The following DOCK7 variants were observed in gnomAD, a reference collection of about 807,000 sequenced individuals.
The protein encoded by DOCK7 is dedicator of cytokinesis 7.
In DOCK7, 138 loss-of-function variants were observed where a neutral mutation model predicts 271.0. The observed-to-expected ratio is 0.51, with a 90% CI of 0.44 to 0.59. The LOEUF (loss-of-function observed/expected upper bound fraction) is 0.59. DOCK7 is among the 20% of genes least tolerant of loss of function. The pLI is 0.00. For synonymous variants in DOCK7, 823 were observed against 876.1 expected (o/e 0.94, Z 1.07); for missense variants, 2,066 against 2,592.4 (o/e 0.80, Z 4.41).
intron 29 of DOCK7, among the ~76,000 whole-genome samples, chr1:62,533,439 ATT>A (rs141381355): frequency 9.3e-5 from 14 of 151,190 alleles, no homozygotes; most frequent in Non-Finnish European, 1.3e-4. Context: ...TCCTTTATTT[ATT>A]TTTTTTAATG....
chr1:62,573,747 T>C (rs1646858140), intron 18 of DOCK7, among the ~76,000 whole-genome samples: 1 of 152,066 alleles, frequency 6.6e-6, no homozygotes, highest in Admixed American at 6.6e-5. Context: ...AAACTTTATG[T>C]TCTATACATT....
intron 8 of DOCK7, 85 bp downstream of exon 8, chr1:62,636,452 C>CA (rs1422465294): frequency 8.2e-5 from 86 of 1,051,168 alleles, no homozygotes; most frequent in South Asian, 1.6e-4. Context: ...TAACAGTTCT[C>CA]AAAAAAAATC....
Position 62,641,611 on chromosome 1 carries a change from G to A in DOCK7, c.819-5008C>T, listed in dbSNP as rs760970206. 8.0e-4 allele frequency: 376 copies of A among 468,494 alleles called. 1 individual carries two copies. Among genetic ancestry groups the A allele is most frequent in the Non-Finnish European group, 1.3e-3 (293 of 229,418 alleles). 29.0% of individuals were successfully genotyped at this position (468,494 alleles called of 1,614,324 possible). A position where few individuals can be genotyped will look rare whatever the true frequency, so the allele number is the denominator to read the frequency against. ...AATTGCCAGAAATGTGGATGCCCTC[G>A]CAACACATGATCACCACCTTCCAGC... is the stretch of plus-strand genomic sequence containing the variant. On this transcript the variant is annotated intron_variant, in intron 7 of 49. Coordinates refer to ENST00000635253, the MANE Select transcript of DOCK7 (RefSeq NM_001367561.1).
At chr1:62,461,813 T>C (rs906794395) in intron 48 of DOCK7, among the ~76,000 whole-genome samples, 3 of 152,102 alleles carry the variant, frequency 2.0e-5, no homozygotes, top group African/African-American at 7.2e-5. Context: ...GGCTCATGCC[T>C]GTAATCCCAG....
chr1:62,513,906 T>C lies in DOCK7; in HGVS notation c.3937-8A>G, dbSNP rs1199379059. On this transcript the variant is annotated splice_region_variant and splice_polypyrimidine_tract_variant and intron_variant, in intron 31 of 49. Transcript: ENST00000635253. ...AGTGTGTTGCCTGCCACTCTGAAAA[T>C]AAAGAGCAGTAGAATGAGACAGATT... 1 of 1,610,264 alleles carries C rather than the reference T, an allele frequency of 6.2e-7. No homozygotes were observed. Among genetic ancestry groups the C allele is most frequent in the Non-Finnish European group, 8.5e-7 (1 of 1,178,514 alleles).
chr1:62,583,405 A>C, intron 15 of DOCK7, 151 bp from the exon 16 acceptor site: 1 of 583,734 alleles, frequency 1.7e-6, no homozygotes, highest in South Asian at 2.7e-5. Flanking sequence ...CGTTCATCAA[A>C]AAGTTCAATT....
rs925903585 is a variant in DOCK7, at chr1:62,528,052, T to C, written c.3936+99A>G. 156 of 1,250,288 alleles carry C rather than the reference T, an allele frequency of 1.2e-4. 1 individual carries two copies. In the East Asian group the frequency reaches 3.5e-3, roughly 28 times the overall value. 77.4% of individuals were successfully genotyped at this position (1,250,288 alleles called of 1,614,324 possible). On this transcript the variant is annotated intron_variant, in intron 31 of 49. Coordinates refer to ENST00000635253, the MANE Select transcript of DOCK7 (RefSeq NM_001367561.1). ...TTTTCATAAATAAAACTGAGCACTT[T>C]TGCATCAGCTGATACAATCATCTCA...
intron 18 of DOCK7, among the ~76,000 whole-genome samples, chr1:62,571,685 A>T (rs1440563518): frequency 6.6e-6 from 1 of 152,212 alleles, no homozygotes; most frequent in Non-Finnish European, 1.5e-5. Context: ...GGATAAAGAA[A>T]ATGTGGTACA....
chr1:62,662,067 T>C (rs1658725583), intron 2 of DOCK7, among the ~76,000 whole-genome samples: 1 of 152,208 alleles, frequency 6.6e-6, no homozygotes, highest in African/African-American at 2.4e-5. Flanking sequence ...GATCAAACTG[T>C]TATTTCCCAG....
chr1:62,511,244 A>G (rs1644475715), intron 33 of DOCK7: 1 of 152,230 alleles, frequency 6.6e-6, no homozygotes, highest in African/African-American at 2.4e-5. Flanking sequence ...AACAGAAATG[A>G]TATGTACTTT....
chr1:62,544,903 G>A, intron 23 of DOCK7, 44 bp downstream of exon 23: 1 of 1,431,178 alleles, frequency 7.0e-7, no homozygotes, highest in South Asian at 1.3e-5. Context: ...GTTCTAAAGG[G>A]AAACATCAGC....
chr1:62,625,512 A>G (rs539397528), intron 11 of DOCK7, 111 bp from the exon 12 acceptor site: 3 of 1,048,336 alleles, frequency 2.9e-6, no homozygotes, highest in Admixed American at 2.4e-5. Flanking sequence ...CCCACTCAGC[A>G]TATCAAGTAT....
At chr1:62,548,904 G>A (rs1464494996) in intron 22 of DOCK7, among the ~76,000 whole-genome samples, 1 of 152,124 alleles carries the variant, frequency 6.6e-6, no homozygotes, top group African/African-American at 2.4e-5. Context: ...ATCCAAATCT[G>A]AACAAAACTA....
At chr1:62,677,170 C>T (rs537811887) in intron 1 of DOCK7, among the ~76,000 whole-genome samples, 2 of 152,272 alleles carry the variant, frequency 1.3e-5, no homozygotes, top group South Asian at 4.2e-4. Context: ...AGGTTAGAAA[C>T]CCTTCTTTGG....
chr1:62,596,119 A>G (rs983461166), intron 14 of DOCK7, among the ~76,000 whole-genome samples: 2 of 152,188 alleles, frequency 1.3e-5, no homozygotes, highest in Admixed American at 6.5e-5. Context: ...ATGTGACATA[A>G]TAACTAGCAT....
intron 18 of DOCK7, among the ~76,000 whole-genome samples, chr1:62,576,995 T>C (rs1161342512): frequency 6.6e-6 from 1 of 152,214 alleles, no homozygotes; most frequent in Non-Finnish European, 1.5e-5. Context: ...TCCAAAATGA[T>C]CTTTTGAGTT....
At chr1:62,544,376 G>T (rs1436067994) in intron 23 of DOCK7, among the ~76,000 whole-genome samples, 1 of 152,074 alleles carries the variant, frequency 6.6e-6, no homozygotes, top group Non-Finnish European at 1.5e-5. Context: ...TTCAGCTAAG[G>T]TATAACAAAT....
chr1:62,556,003 A>T lies in DOCK7; in HGVS notation c.2432-14T>A, dbSNP rs753780305. The T allele has an allele frequency of 1.9e-6, 3 of 1,611,476 alleles. No homozygotes were observed. The highest frequency in any genetic ancestry group is 2.7e-5 in the African/African-American group (2 of 74,760). On this transcript the variant is annotated splice_polypyrimidine_tract_variant and intron_variant, in intron 20 of 49. Coordinates refer to ENST00000635253, the MANE Select transcript of DOCK7 (RefSeq NM_001367561.1). ...GACCTAGGTTAACTTTTAAGAAAGA[A>T]GAAGTATTTACCTTTGCTTTAACTT...
intron 31 of DOCK7, among the ~76,000 whole-genome samples, chr1:62,521,484 TAA>T (rs923584640): frequency 3.3e-5 from 5 of 152,024 alleles, no homozygotes; most frequent in African/African-American, 1.2e-4. Flanking sequence ...TGGTTCTTTA[TAA>T]AGACTAACAA....
Sources: allele counts gnomAD v4.1 joint callset (sites outside exome capture counted in the v4.1 genomes callset), GRCh38; gene constraint gnomAD v4.1.1; transcripts MANE v1.5; gene names NCBI Gene and HGNC (gene_info 2026-07-23, HGNC 2026-07-21).